TET1: variants seen among roughly 807,000 people sequenced by gnomAD.
The protein encoded by TET1 is methylcytosine dioxygenase TET1.
In TET1, 13 loss-of-function variants were observed where a neutral mutation model predicts 148.7. That is an observed-to-expected ratio of 0.09 (90% CI 0.06 to 0.14). The LOEUF (loss-of-function observed/expected upper bound fraction) is 0.14. TET1 is among the 10% of genes least tolerant of loss of function. The pLI is 1.00. For synonymous variants in TET1, 907 were observed against 937.2 expected, an observed-to-expected ratio of 0.97 and a Z score of 0.59; for missense variants, 2,182 against 2,553.8, an observed-to-expected ratio of 0.85 and a Z score of 3.14.
At position 68,562,937 on chromosome 10, in the gene TET1, A is replaced by G. The variant is rs117854026; in HGVS notation, c.-123+2195A>G. On this transcript the variant is annotated intron_variant, in intron 1 of 11. Coordinates refer to ENST00000373644, the MANE Select transcript of TET1 (RefSeq NM_030625.3). The stretch of plus-strand genomic sequence containing the variant: ...TCGAACCCCTTCCTCAGTTTTTACT[A>G]TAAGTAATTTTTGCCCTTCCTCAGT... Among the ~76,000 whole-genome samples, 8 of 152,216 alleles carry G rather than the reference A, an allele frequency of 5.3e-5. No individual in the cohort carries two copies. The East Asian group carries it at 7.7e-4, about 15-fold the overall frequency.
intron 3 of TET1, among the ~76,000 whole-genome samples, chr10:68,613,151 G>A (rs1234273670): frequency 6.6e-6 from 1 of 152,118 alleles, no homozygotes; most frequent in African/African-American, 2.4e-5. Flanking sequence ...CATTGATCCA[G>A]CGTTGATAGT....
intron 6 of TET1, 34 bp downstream of exon 6, chr10:68,652,628 CT>C (rs746356899): frequency 4.2e-6 from 6 of 1,426,948 alleles, no homozygotes; most frequent in Non-Finnish European, 5.9e-6. Flanking sequence ...TTTTTTGAAG[CT>C]TGTTATTCCA....
intron 3 of TET1, among the ~76,000 whole-genome samples, chr10:68,624,099 C>CTTTCTTTTTT (rs1554937832): frequency 3.4e-5 from 5 of 148,032 alleles, no homozygotes; most frequent in African/African-American, 9.9e-5. Context: ...TTCTTTCTTT[C>CTTTCTTTTTT]TTTTCTTTTT....
chr10:68,612,941 C>T (rs763254393), intron 3 of TET1, among the ~76,000 whole-genome samples: 30 of 152,174 alleles, frequency 2.0e-4, no homozygotes, highest in Non-Finnish European at 3.8e-4. Flanking sequence ...ATTACAAATC[C>T]TTTAAGGGTA....
chr10:68,687,198 C>T (rs1055233921), intron 11 of TET1, among the ~76,000 whole-genome samples: 17 of 150,436 alleles, frequency 1.1e-4, no homozygotes, highest in Middle Eastern at 3.4e-3. Context: ...CCACCGCGCC[C>T]GGCCTACTTA....
chr10:68,602,220 C>T (rs751121201), intron 3 of TET1, among the ~76,000 whole-genome samples: 9 of 152,156 alleles, frequency 5.9e-5, no homozygotes, highest in Non-Finnish European at 1.3e-4. Flanking sequence ...TTTCACTGGG[C>T]CTGGACAAAT....
At chr10:68,671,050 T>C (rs1367859251) in intron 7 of TET1, among the ~76,000 whole-genome samples, 1 of 152,218 alleles carries the variant, frequency 6.6e-6, no homozygotes, top group Non-Finnish European at 1.5e-5. Flanking sequence ...GCAATCCTTT[T>C]TTAACTTTCA....
intron 4 of TET1, among the ~76,000 whole-genome samples, chr10:68,649,143 T>G (rs1273063785): frequency 1.3e-5 from 2 of 152,200 alleles, no homozygotes; most frequent in Non-Finnish European, 2.9e-5. Context: ...TCACAGAAGC[T>G]CTTCAAAGAG....
At chr10:68,567,146 AAGGATGAAACCAGTGCCACT>A (rs1286421829) in intron 1 of TET1, among the ~76,000 whole-genome samples, 7 of 152,026 alleles carry the variant, frequency 4.6e-5, no homozygotes, top group African/African-American at 1.7e-4. Context: ...CAGATACCAC[AAGGATGAAACCAGTGCCACT>A]AGTTTTTTCC....
intron 2 of TET1, among the ~76,000 whole-genome samples, chr10:68,599,235 TTGGC>T (rs1486490087): frequency 6.6e-6 from 1 of 152,216 alleles, no homozygotes; most frequent in Middle Eastern, 3.2e-3. Context: ...AAACCCATCT[TTGGC>T]TGAGCAGCCG....
intron 8 of TET1, among the ~76,000 whole-genome samples, chr10:68,681,140 G>A (rs1441364331): frequency 6.6e-6 from 1 of 152,176 alleles, no homozygotes; most frequent in African/African-American, 2.4e-5. Context: ...AACATGAACA[G>A]TATTGTAATT....
At chr10:68,670,347 C>T (rs1008137562) in intron 7 of TET1, among the ~76,000 whole-genome samples, 2 of 152,194 alleles carry the variant, frequency 1.3e-5, no homozygotes, top group South Asian at 2.1e-4. Flanking sequence ...ATTTTTGAAG[C>T]GAAAAGGCTA....
intron 2 of TET1, among the ~76,000 whole-genome samples, chr10:68,583,827 C>A (rs1401429410): frequency 6.6e-6 from 1 of 151,834 alleles, no homozygotes; most frequent in Non-Finnish European, 1.5e-5. Context: ...AAGAGGATCG[C>A]TTGAACCTGG....
At chr10:68,597,437 C>A (rs1357459975) in intron 2 of TET1, among the ~76,000 whole-genome samples, 1 of 152,110 alleles carries the variant, frequency 6.6e-6, no homozygotes, top group African/African-American at 2.4e-5. Flanking sequence ...AAGTTATATT[C>A]AAACATTCAA....
At chr10:68,662,031 C>A (rs186735651) in intron 6 of TET1, among the ~76,000 whole-genome samples, 46 of 152,144 alleles carry the variant, frequency 3.0e-4, no homozygotes, top group African/African-American at 1.1e-3. Flanking sequence ...TGCACCACCA[C>A]ACTCGTCTAA....
chr10:68,685,776 A>G (rs975379500), intron 10 of TET1, among the ~76,000 whole-genome samples: 3 of 152,146 alleles, frequency 2.0e-5, no homozygotes, highest in African/African-American at 2.4e-5. Context: ...AAATTTATTG[A>G]TATTTATTGA....
chr10:68,568,710 G>T (rs1268504573), intron 1 of TET1, among the ~76,000 whole-genome samples: 1 of 152,152 alleles, frequency 6.6e-6, no homozygotes, highest in African/African-American at 2.4e-5. Context: ...ATTTAGACTG[G>T]CGTGGTGGCA....
chr10:68,651,703 C>T, intron 4 of TET1, 143 bp from the exon 5 acceptor site: 1 of 505,654 alleles, frequency 2.0e-6, no homozygotes, highest in Non-Finnish European at 3.4e-6. Context: ...GTTGTCCTTG[C>T]CTTTAATTAT....
chr10:68,692,026 A>T lies in TET1; in HGVS notation c.*212A>T. ...AAGGTGCACATTTTAAGCAAAAATA[A>T]AAGTTTTATAGTTTTAAATACATAA... On this transcript the variant is annotated 3_prime_UTR_variant, in exon 12 of 12. Transcript: ENST00000373644. 1 of 547,694 alleles carries T rather than the reference A, an allele frequency of 1.8e-6. No individual in the cohort carries two copies. 33.9% of individuals were successfully genotyped at this position (547,694 alleles called of 1,614,324 possible).
Sources: allele counts gnomAD v4.1 joint callset (sites outside exome capture counted in the v4.1 genomes callset), GRCh38; gene constraint gnomAD v4.1.1; transcripts MANE v1.5; gene names NCBI Gene and HGNC (gene_info 2026-07-23, HGNC 2026-07-21).